Variants in MDGA2 observed in about 807,000 individuals in gnomAD.
MDGA2 encodes the protein MAM domain-containing glycosylphosphatidylinositol anchor protein 2.
In MDGA2, 40 loss-of-function variants were observed where a neutral mutation model predicts 117.8. The observed-to-expected ratio is 0.34, with a 90% confidence interval of 0.26 to 0.44. The LOEUF (loss-of-function observed/expected upper bound fraction) is 0.44. Ranked by LOEUF, MDGA2 falls within the 20% of genes least tolerant of loss-of-function variation. The pLI, the probability that MDGA2 is intolerant of heterozygous loss-of-function variation, is 1.00. For missense variants in MDGA2, 1,123 were observed against 1,250.6 expected (o/e 0.90, Z 1.54); for synonymous variants, 452 against 439.0 (o/e 1.03, Z -0.37).
chr14:47,422,683 G>C (rs72685862), intron 1 of MDGA2, among the ~76,000 whole-genome samples: 1 of 151,842 alleles, frequency 6.6e-6, no homozygotes, highest in Admixed American at 6.6e-5. Context: ...CGTAGGTATC[G>C]ACTGAGCTGG....
At chr14:47,492,300 G>A (rs1894186373) in intron 1 of MDGA2, among the ~76,000 whole-genome samples, 1 of 152,054 alleles carries the variant, frequency 6.6e-6, no homozygotes, top group Non-Finnish European at 1.5e-5. Flanking sequence ...ATAAACAGAA[G>A]GTGGAGATGA....
At chr14:47,456,426 G>T (rs1193954388) in intron 1 of MDGA2, among the ~76,000 whole-genome samples, 2 of 151,236 alleles carry the variant, frequency 1.3e-5, no homozygotes, top group Non-Finnish European at 2.9e-5. Context: ...CTAAGTAGCT[G>T]GGATTACAGG....
At position 47,350,826 on chromosome 14, in the gene MDGA2, G is replaced by A. The variant is rs374923125; in HGVS notation, c.281-49276C>T. Among the ~76,000 whole-genome samples the A allele has an allele frequency of 3.9e-5, 6 of 152,328 alleles. No individual in the cohort carries two copies. The East Asian group carries it at 1.2e-3, about 29-fold the overall frequency. On this transcript the variant is annotated intron_variant, in intron 1 of 16. Transcript: ENST00000399232. ...AATACAAAGTTTCAATAAAAGACAA[G>A]GGAGTTCTGAGTGCAGTGGGAAAAG...
chr14:47,296,421 C>G (rs79339708), intron 2 of MDGA2, among the ~76,000 whole-genome samples: 1 of 152,094 alleles, frequency 6.6e-6, no homozygotes, highest in South Asian at 2.1e-4. Flanking sequence ...AATTTATTTA[C>G]GTAGTATATT....
intron 10 of MDGA2, among the ~76,000 whole-genome samples, chr14:46,901,423 G>T (rs891088941): frequency 1.3e-5 from 2 of 152,024 alleles, no homozygotes; most frequent in Non-Finnish European, 2.9e-5. Context: ...ATGGAAAATC[G>T]GACTGGCATG....
At chr14:47,489,949 A>C (rs1390216102) in intron 1 of MDGA2, among the ~76,000 whole-genome samples, 2 of 152,106 alleles carry the variant, frequency 1.3e-5, no homozygotes, top group South Asian at 4.1e-4. Context: ...GGTAGTCTTC[A>C]TACTCATATA....
intron 1 of MDGA2, among the ~76,000 whole-genome samples, chr14:47,472,538 T>A (rs1381854098): frequency 6.6e-6 from 1 of 152,188 alleles, no homozygotes; most frequent in Admixed American, 6.6e-5. Flanking sequence ...CAAGCAGACC[T>A]TGTCTGCTTC....
At chr14:47,300,711 C>G (rs1380754326) in intron 2 of MDGA2, among the ~76,000 whole-genome samples, 1 of 151,014 alleles carries the variant, frequency 6.6e-6, no homozygotes, top group African/African-American at 2.4e-5. Context: ...GTTGCCCAGG[C>G]TGGTCGCCAA....
Position 47,378,667 on chromosome 14 carries a change from A to AAAAAGACT in MDGA2, c.281-77125_281-77118dup, listed in dbSNP as rs1891536524. 2.0e-5 allele frequency among the ~76,000 whole-genome samples: 3 copies of AAAAAGACT among 152,294 alleles called. No homozygotes were observed. In the South Asian group the frequency reaches 6.2e-4, roughly 32 times the overall value. On this transcript the variant is annotated intron_variant, in intron 1 of 16. Transcript: ENST00000399232. ...TGAAGTGAGAAGAGAAGTTTAGAGA[A>AAAAAGACT]AAAAGACTAAAAAAAATTGAACAAA...
At chr14:47,656,222 A>G (rs907059257) in intron 1 of MDGA2, among the ~76,000 whole-genome samples, 3 of 152,170 alleles carry the variant, frequency 2.0e-5, no homozygotes, top group African/African-American at 7.2e-5. Flanking sequence ...TTTGGGACTG[A>G]GCACAAGTAG....
At chr14:47,392,008 C>T (rs868385652) in intron 1 of MDGA2, among the ~76,000 whole-genome samples, 6 of 152,022 alleles carry the variant, frequency 3.9e-5, no homozygotes, top group Non-Finnish European at 7.4e-5. Flanking sequence ...GTGCACATCC[C>T]GGTAATTCTG....
intron 8 of MDGA2, among the ~76,000 whole-genome samples, chr14:47,030,030 G>A (rs1262640147): frequency 6.6e-6 from 1 of 151,850 alleles, no homozygotes; most frequent in African/African-American, 2.4e-5. Context: ...GTTTCACCAT[G>A]TTGGCCAGAA....
chr14:46,969,673 G>A (rs956942007), intron 8 of MDGA2, among the ~76,000 whole-genome samples: 1 of 150,142 alleles, frequency 6.7e-6, no homozygotes, highest in Non-Finnish European at 1.5e-5. Context: ...TAAGTAGATC[G>A]CAAAAATTTT....
intron 1 of MDGA2, among the ~76,000 whole-genome samples, chr14:47,391,068 G>C (rs1266435465): frequency 6.6e-6 from 1 of 152,104 alleles, no homozygotes; most frequent in East Asian, 1.9e-4. Context: ...ATGCTTTTAA[G>C]GTGCTGTTCT....
At chr14:47,457,205 T>C (rs1893373092) in intron 1 of MDGA2, among the ~76,000 whole-genome samples, 1 of 152,188 alleles carries the variant, frequency 6.6e-6, no homozygotes, top group Non-Finnish European at 1.5e-5. Flanking sequence ...TTGGAATATA[T>C]TCTCCCATAA....
At chr14:47,384,333 G>C (rs1891709840) in intron 1 of MDGA2, among the ~76,000 whole-genome samples, 3 of 150,572 alleles carry the variant, frequency 2.0e-5, no homozygotes, top group Non-Finnish European at 4.4e-5. Context: ...CCAATGTTCT[G>C]CATACTATAC....
intron 9 of MDGA2, among the ~76,000 whole-genome samples, chr14:46,952,622 A>T (rs1885408657): frequency 6.6e-6 from 1 of 151,962 alleles, no homozygotes; most frequent in African/African-American, 2.4e-5. Flanking sequence ...GCACCTTTCT[A>T]TTTGGCTGAA....
chr14:47,674,127 G>C (rs959073391), intron 1 of MDGA2, among the ~76,000 whole-genome samples: 1 of 151,280 alleles, frequency 6.6e-6, no homozygotes, highest in Non-Finnish European at 1.5e-5. Flanking sequence ...GGAGACTCAC[G>C]GGGTCACACT....
intron 1 of MDGA2, among the ~76,000 whole-genome samples, chr14:47,386,093 C>A (rs962713621): frequency 1.3e-5 from 2 of 151,948 alleles, no homozygotes; most frequent in Middle Eastern, 3.2e-3. Context: ...ACCAGCCTGG[C>A]CAACATGGTG....
Sources: gnomAD v4.1 joint callset for allele counts (sites outside exome capture counted in the v4.1 genomes callset) on GRCh38, gnomAD v4.1.1 for gene constraint, MANE v1.5 for transcripts, NCBI Gene and HGNC (gene_info 2026-07-23, HGNC 2026-07-21) for gene names.